The following NR6A1 variants were observed in gnomAD, a reference collection of about 807,000 sequenced individuals.
NR6A1 encodes the protein retinoic acid receptor-related testis-associated receptor.
In NR6A1, 7 loss-of-function variants were observed where a neutral mutation model predicts 59.1. The ratio of observed to expected loss-of-function variants is 0.12; its 90% confidence interval spans 0.07 to 0.22. The LOEUF (loss-of-function observed/expected upper bound fraction) is 0.22. NR6A1 is among the 10% of genes least tolerant of loss of function. The pLI is 1.00. For missense variants in NR6A1, 468 were observed against 611.6 expected (o/e 0.77, Z 2.48); for synonymous variants, 243 against 236.1 (o/e 1.03, Z -0.27).
chr9:124,732,349 A>G (rs572832751), intron 2 of NR6A1, among the ~76,000 whole-genome samples: 3 of 152,364 alleles, frequency 2.0e-5, no homozygotes, highest in South Asian at 2.1e-4. Context: ...TAGCAAAATA[A>G]GGTCTGTATA....
intron 2 of NR6A1, among the ~76,000 whole-genome samples, chr9:124,661,494 G>A (rs151002173): frequency 4.9e-4 from 74 of 152,266 alleles, no homozygotes; most frequent in African/African-American, 1.7e-3. Context: ...GTAAACACAA[G>A]TTCGAAATGA....
intron 2 of NR6A1, among the ~76,000 whole-genome samples, chr9:124,665,728 A>G (rs899561246): frequency 3.3e-5 from 5 of 152,176 alleles, no homozygotes; most frequent in Admixed American, 6.5e-5. Flanking sequence ...TACTCAACCC[A>G]TGACTAATCT....
intron 3 of NR6A1, among the ~76,000 whole-genome samples, chr9:124,551,134 A>C (rs1833766132): frequency 1.3e-5 from 2 of 152,050 alleles, no homozygotes; most frequent in African/African-American, 4.8e-5. Flanking sequence ...CCTTGGAATC[A>C]ACCAGTTTTC....
intron 2 of NR6A1, among the ~76,000 whole-genome samples, chr9:124,582,040 A>C (rs1490382062): frequency 6.6e-6 from 1 of 152,248 alleles, no homozygotes; most frequent in Non-Finnish European, 1.5e-5. Context: ...CAAGAACCAG[A>C]AATACCATTC....
At chr9:124,629,984 TGAGATA>T (rs1269526976) in intron 2 of NR6A1, among the ~76,000 whole-genome samples, 1 of 152,226 alleles carries the variant, frequency 6.6e-6, no homozygotes, top group Non-Finnish European at 1.5e-5. Flanking sequence ...ATGAACATTT[TGAGATA>T]CTAAAGTAGT....
intron 3 of NR6A1, among the ~76,000 whole-genome samples, chr9:124,544,831 G>A (rs1180940000): frequency 6.6e-6 from 1 of 152,190 alleles, no homozygotes; most frequent in Non-Finnish European, 1.5e-5. Context: ...TAAGGAGCTT[G>A]AGGACAAGAA....
rs138929952 is a variant in NR6A1 at position 124,548,583 on chromosome 9, T to A, written c.386-4726A>T. On this transcript the variant is annotated intron_variant, in intron 3 of 9. Coordinates refer to ENST00000487099, the MANE Select transcript of NR6A1 (RefSeq NM_033334.4). Reference sequence around the variant, plus strand: ...AACACGAACTTTGATTTCTTTAAGATTCTGCTCAAATGTTATCCCTCCTTG... The same window carrying A: ...AACACGAACTTTGATTTCTTTAAGAATCTGCTCAAATGTTATCCCTCCTTG... Among the ~76,000 whole-genome samples the A allele has an allele frequency of 2.0e-5, 3 of 152,366 alleles. No individual in the cohort carries two copies. In the East Asian group the frequency reaches 5.8e-4, roughly 29 times the overall value.
At chr9:124,758,584 A>C (rs180847110) in intron 1 of NR6A1, among the ~76,000 whole-genome samples, 51 of 152,342 alleles carry the variant, frequency 3.3e-4, no homozygotes, top group South Asian at 1.2e-3. Flanking sequence ...TTAAACAACA[A>C]AAATACTCCA....
intron 2 of NR6A1, among the ~76,000 whole-genome samples, chr9:124,621,441 G>A (rs1335030831): frequency 2.0e-5 from 3 of 151,090 alleles, no homozygotes; most frequent in African/African-American, 2.4e-5. Context: ...AAGTCCTTGA[G>A]TTTGAGACTA....
intron 1 of NR6A1, among the ~76,000 whole-genome samples, chr9:124,752,951 A>C (rs1357509200): frequency 6.6e-6 from 1 of 152,152 alleles, no homozygotes; most frequent in African/African-American, 2.4e-5. Flanking sequence ...GAAAGGAGAG[A>C]AAGAAAAGTA....
At chr9:124,529,066 G>T (rs1053299783) in intron 7 of NR6A1, among the ~76,000 whole-genome samples, 1 of 152,194 alleles carries the variant, frequency 6.6e-6, no homozygotes, top group Non-Finnish European at 1.5e-5. Context: ...ATGAGCTGGG[G>T]ATTCTTTTAG....
chr9:124,589,682 C>T (rs1835051957), intron 2 of NR6A1, among the ~76,000 whole-genome samples: 1 of 152,086 alleles, frequency 6.6e-6, no homozygotes, highest in African/African-American at 2.4e-5. Flanking sequence ...ATATCTAAAA[C>T]ATACATTTTC....
chr9:124,672,553 T>C (rs1001434236), intron 2 of NR6A1, among the ~76,000 whole-genome samples: 1 of 151,756 alleles, frequency 6.6e-6, no homozygotes, highest in Non-Finnish European at 1.5e-5. Context: ...AGGCAGAGGT[T>C]GCAGTGAGCC....
At chr9:124,587,046 C>T (rs759480280) in intron 2 of NR6A1, among the ~76,000 whole-genome samples, 3 of 152,266 alleles carry the variant, frequency 2.0e-5, no homozygotes, top group South Asian at 2.1e-4. Flanking sequence ...TTTTAAGAAA[C>T]GGCCATAGCC....
intron 2 of NR6A1, among the ~76,000 whole-genome samples, chr9:124,654,529 G>A (rs1273806345): frequency 1.3e-5 from 2 of 152,066 alleles, no homozygotes; most frequent in African/African-American, 2.4e-5. Context: ...GAGAGCTCTT[G>A]CATTTCTTGT....
rs1832711883 is a variant in NR6A1, at chr9:124,517,513, GC to G, written c.*5191del. ...CAGGCTGGCGGGCAGCCCTTGGCCG[GC>G]CCTTTGGAGACAAGGGCTCAGGGAC... On this transcript the variant is annotated 3_prime_UTR_variant, in exon 10 of 10. Coordinates refer to ENST00000487099, the MANE Select transcript of NR6A1 (RefSeq NM_033334.4). The G allele has an allele frequency of 6.6e-6, 1 of 152,184 alleles. No individual in the cohort carries two copies. Among genetic ancestry groups the G allele is most frequent in the African/African-American group, 2.4e-5 (1 of 41,424 alleles). 9.4% of individuals were successfully genotyped at this position (152,184 alleles called of 1,614,324 possible).
chr9:124,624,173 T>G (rs911065130), intron 2 of NR6A1, among the ~76,000 whole-genome samples: 3 of 152,158 alleles, frequency 2.0e-5, no homozygotes, highest in Non-Finnish European at 4.4e-5. Context: ...TTCAAAGGTA[T>G]GGTGACTCAC....
At chr9:124,626,164 C>T (rs1836236388) in intron 2 of NR6A1, among the ~76,000 whole-genome samples, 1 of 152,314 alleles carries the variant, frequency 6.6e-6, no homozygotes, top group Admixed American at 6.5e-5. Flanking sequence ...CGCCACCATG[C>T]CCAGCTAATT....
At chr9:124,543,768 G>A (rs747707230) in intron 4 of NR6A1, 34 bp downstream of exon 4, 3 of 1,585,834 alleles carry the variant, frequency 1.9e-6, no homozygotes, top group East Asian at 2.3e-5. Context: ...TGGGCTTCCA[G>A]GACGGACCAC....
Sources: allele counts gnomAD v4.1 joint callset (sites outside exome capture counted in the v4.1 genomes callset), GRCh38; gene constraint gnomAD v4.1.1; transcripts MANE v1.5; gene names NCBI Gene and HGNC (gene_info 2026-07-23, HGNC 2026-07-21).